FNBP1: variants seen among roughly 807,000 people sequenced by gnomAD.
FNBP1 encodes formin-binding protein 1.
In FNBP1, 26 loss-of-function variants were observed where a neutral mutation model predicts 90.6. That is an observed-to-expected ratio of 0.29 (90% CI 0.21 to 0.40). FNBP1 has a LOEUF of 0.40. Ranked by LOEUF, FNBP1 falls within the 10% of genes least tolerant of loss-of-function variation. The probability of loss-of-function intolerance (pLI) is 1.00; values close to 1 mark genes in which losing one functional copy is unlikely to be tolerated. For synonymous variants in FNBP1, 260 were observed against 265.2 expected, an observed-to-expected ratio of 0.98 and a Z score of 0.19; for missense variants, 635 against 768.0, an observed-to-expected ratio of 0.83 and a Z score of 2.05.
At chr9:129,975,182 GCACTC>G (rs2050119835) in intron 4 of FNBP1, among the ~76,000 whole-genome samples, 1 of 152,220 alleles carries the variant, frequency 6.6e-6, no homozygotes, top group South Asian at 2.1e-4. Context: ...TTGTGCAACT[GCACTC>G]CAGCCCGGGC....
intron 1 of FNBP1, among the ~76,000 whole-genome samples, chr9:129,999,709 C>T (rs1404299528): frequency 6.6e-6 from 1 of 151,942 alleles, no homozygotes; most frequent in African/African-American, 2.4e-5. Context: ...GGTATTTATT[C>T]ATTTAAAAAG....
chr9:129,910,865 G>GTC (rs1000574500), intron 11 of FNBP1, among the ~76,000 whole-genome samples: 1 of 75,332 alleles, frequency 1.3e-5, no homozygotes, highest in African/African-American at 3.1e-5. Context: ...GTGTGTGTGT[G>GTC]TATGTGTGTG....
rs1053290570 is a variant in FNBP1 at position 129,888,729 on chromosome 9, G to T, written c.*1810C>A. On this transcript the variant is annotated 3_prime_UTR_variant, in exon 17 of 17. Transcript: ENST00000446176. ...GCGCTTGTGGTTTCTCGTCCCCGAGGGCTGACTGAGCTGCTCCGGAAGGGT... is the reference window on the plus strand; with the variant it reads ...GCGCTTGTGGTTTCTCGTCCCCGAGTGCTGACTGAGCTGCTCCGGAAGGGT... The T allele has an allele frequency of 3.0e-5, 7 of 233,196 alleles. No individual in the cohort carries two copies. The highest frequency in any genetic ancestry group is 5.1e-5 in the Non-Finnish European group (6 of 118,106). The allele number at this position is 233,196 out of a possible 1,614,324, so 14.4% of individuals were successfully genotyped here. A position where few individuals can be genotyped will look rare whatever the true frequency, so the allele number is the denominator to read the frequency against.
At chr9:130,053,778 C>T in the FNBP1 span, 1 of 690,448 alleles carries the variant, frequency 1.4e-6, no homozygotes, top group Non-Finnish European at 2.4e-6. Flanking sequence ...AGCACAGGCT[C>T]CTCGACGACT....
At chr9:129,965,782 G>A (rs1352888771) in intron 4 of FNBP1, among the ~76,000 whole-genome samples, 1 of 80,282 alleles carries the variant, frequency 1.2e-5, no homozygotes, top group Non-Finnish European at 2.4e-5. Context: ...GGAAGGGAGG[G>A]AAGGAGGGAG....
chr9:129,913,817 C>A (rs1305575305), intron 11 of FNBP1, among the ~76,000 whole-genome samples: 2 of 151,978 alleles, frequency 1.3e-5, no homozygotes, highest in African/African-American at 4.8e-5. Flanking sequence ...AGCTTCCCCC[C>A]ACCCCAAAAT....
At chr9:129,977,407 G>C (rs997916010) in intron 4 of FNBP1, among the ~76,000 whole-genome samples, 32 of 151,960 alleles carry the variant, frequency 2.1e-4, no homozygotes, top group African/African-American at 7.2e-4. Flanking sequence ...TCATTAGATA[G>C]CAATGAATGA....
intron 1 of FNBP1, among the ~76,000 whole-genome samples, chr9:130,011,433 A>G (rs1300157224): frequency 1.3e-5 from 2 of 151,872 alleles, no homozygotes; most frequent in African/African-American, 4.8e-5. Flanking sequence ...TCATGCTGGA[A>G]CTTAACCTCC....
At chr9:129,936,157 T>A (rs2043426857) in intron 6 of FNBP1, among the ~76,000 whole-genome samples, 1 of 152,140 alleles carries the variant, frequency 6.6e-6, no homozygotes, top group South Asian at 2.1e-4. Context: ...GGGAAAGCCA[T>A]GTGGAATATT....
chr9:129,933,136 CTAAG>C (rs2042996369), intron 6 of FNBP1, among the ~76,000 whole-genome samples: 1 of 152,130 alleles, frequency 6.6e-6, no homozygotes, highest in Admixed American at 6.6e-5. Flanking sequence ...AAGATTCTAT[CTAAG>C]TGAGTTTTTA....
upstream of FNBP1, among the ~76,000 whole-genome samples, chr9:130,047,276 C>A (rs1260947066): frequency 6.6e-6 from 1 of 152,118 alleles, no homozygotes; most frequent in Non-Finnish European, 1.5e-5. Flanking sequence ...GGGAAGAAAT[C>A]CCAACACGTT....
rs769722048 is a variant in FNBP1, at chr9:129,890,550, CAACACAAAGAGA to C, written c.1847-16_1847-5del. ...GCAGGCACTCCCCTCTAGGAATCTA[CAACACAAAGAGA>C]AACAGAAAGAGAAACTCTCTGTTAG... On this transcript the variant is annotated splice_polypyrimidine_tract_variant and splice_region_variant and intron_variant, in intron 16 of 16. Coordinates refer to ENST00000446176, the MANE Select transcript of FNBP1 (RefSeq NM_015033.3). This position sits in a 1 kb window ranked among gnomAD's most constrained non-coding sequence, Gnocchi z 5.8. The C allele has an allele frequency of 1.3e-6, 2 of 1,583,950 alleles. No homozygotes were observed. Among genetic ancestry groups the C allele is most frequent in the South Asian group, 2.3e-5 (2 of 86,272 alleles).
intron 2 of FNBP1, among the ~76,000 whole-genome samples, chr9:129,982,925 A>G (rs2051517286): frequency 6.6e-6 from 1 of 152,146 alleles, no homozygotes; most frequent in Admixed American, 6.6e-5. Flanking sequence ...CAGCCTCCCA[A>G]AGTGCTGGAA....
chr9:130,006,083 C>T (rs2055654236), intron 1 of FNBP1, among the ~76,000 whole-genome samples: 1 of 152,126 alleles, frequency 6.6e-6, no homozygotes, highest in South Asian at 2.1e-4. Flanking sequence ...AAAGGAAAAG[C>T]ACACAAAATG....
At chr9:130,016,184 C>A (rs1483743981) in intron 1 of FNBP1, among the ~76,000 whole-genome samples, 1 of 152,048 alleles carries the variant, frequency 6.6e-6, no homozygotes, top group Non-Finnish European at 1.5e-5. Context: ...CTCCCTTTCC[C>A]AATTCATATG....
At chr9:129,948,356 C>CTTTTTTTTTTTTTTT (rs71385491) in intron 6 of FNBP1, among the ~76,000 whole-genome samples, 35 of 64,480 alleles carry the variant, frequency 5.4e-4, no homozygotes, top group African/African-American at 1.1e-3. Context: ...ATTTTGGTGT[C>CTTTTTTTTTTTTTTT]TTTTTTTTTT....
intron 10 of FNBP1, 69 bp downstream of exon 10, chr9:129,923,775 A>G: frequency 7.0e-7 from 1 of 1,438,214 alleles, no homozygotes; most frequent in Non-Finnish European, 9.1e-7. Flanking sequence ...CACAAACAAA[A>G]TTAGTTATGC....
intron 11 of FNBP1, among the ~76,000 whole-genome samples, chr9:129,913,642 G>A (rs770599655): frequency 6.6e-6 from 1 of 151,626 alleles, no homozygotes; most frequent in African/African-American, 2.4e-5. Flanking sequence ...GTGGTGGCGC[G>A]CCCCTATAAT....
At chr9:129,905,292 G>GTATATATATATATA (rs71497501) in intron 12 of FNBP1, among the ~76,000 whole-genome samples, 12 of 56,296 alleles carry the variant, frequency 2.1e-4, no homozygotes, top group South Asian at 2.5e-3. Flanking sequence ...GTGTGTGTGT[G>GTATATATATATATA]TGTATATATA....
Sources: allele counts gnomAD v4.1 joint callset (sites outside exome capture counted in the v4.1 genomes callset), GRCh38; gene constraint gnomAD v4.1.1; non-coding constraint Gnocchi (gnomAD v3.1); transcripts MANE v1.5; gene names NCBI Gene and HGNC (gene_info 2026-07-23, HGNC 2026-07-21).